EFCAB13: variants seen among roughly 807,000 people sequenced by gnomAD.
EFCAB13 encodes the protein EF-hand calcium binding domain 13.
A neutral mutation model predicts 110.2 loss-of-function variants in EFCAB13; 91 were observed. The ratio of observed to expected loss-of-function variants is 0.83; its 90% CI spans 0.70 to 0.98. The LOEUF (loss-of-function observed/expected upper bound fraction) is 0.98, where lower values mean the gene tolerates loss of function less well. Ranked by LOEUF, EFCAB13 falls within the 50% of genes least tolerant of loss-of-function variation. EFCAB13 has a pLI of 0.00. For missense variants in EFCAB13, 968 were observed against 1,119.4 expected (o/e 0.86, Z 1.93); for synonymous variants, 323 against 369.9 (o/e 0.87, Z 1.45).
chr17:47,408,914 T>C (rs1336087591), intron 20 of EFCAB13, among the ~76,000 whole-genome samples: 1 of 152,204 alleles, frequency 6.6e-6, no homozygotes, highest in African/African-American at 2.4e-5. Flanking sequence ...TTTAGAGTTA[T>C]CATGTAAAAT....
intron 9 of EFCAB13, among the ~76,000 whole-genome samples, chr17:47,354,655 GT>G (rs2065470539): frequency 6.6e-6 from 1 of 152,090 alleles, no homozygotes; most frequent in Non-Finnish European, 1.5e-5. Context: ...ATTGCTTTAA[GT>G]TTGTTTTGTC....
At chr17:47,346,592 G>A (rs1239042184) in intron 8 of EFCAB13, among the ~76,000 whole-genome samples, 2 of 151,954 alleles carry the variant, frequency 1.3e-5, no homozygotes, top group South Asian at 2.1e-4. Flanking sequence ...CCCAGAAGTG[G>A]GATTACTGGA....
At chr17:47,376,171 T>C (rs956873174) in intron 12 of EFCAB13, among the ~76,000 whole-genome samples, 2 of 152,220 alleles carry the variant, frequency 1.3e-5, no homozygotes, top group Non-Finnish European at 2.9e-5. Context: ...TTGTGATTCA[T>C]ACATTAGTGC....
At chr17:47,350,241 G>T (rs1380308789) in intron 9 of EFCAB13, among the ~76,000 whole-genome samples, 5 of 152,090 alleles carry the variant, frequency 3.3e-5, no homozygotes, top group Non-Finnish European at 7.4e-5. Context: ...GAAAAATGAG[G>T]AGTGAATTTT....
chr17:47,414,680 G>C (rs1161700279), intron 22 of EFCAB13, among the ~76,000 whole-genome samples, 168 bp from the exon 23 acceptor site: 1 of 152,084 alleles, frequency 6.6e-6, no homozygotes, highest in Non-Finnish European at 1.5e-5. Context: ...CTATTCACTG[G>C]GTGGTTTTAA....
In EFCAB13 at chr17:47,424,874, CTTTTTTT is replaced by C. The variant is rs548271723; in HGVS notation, c.2495-4924_2495-4918del. Among the ~76,000 whole-genome samples, 27 of 36,896 alleles carry C rather than the reference CTTTTTTT, an allele frequency of 7.3e-4. 2 individuals carry two copies. Among genetic ancestry groups the C allele is most frequent in the Non-Finnish European group, 1.2e-3 (23 of 19,744 alleles). The allele number at this position is 36,896 out of a possible 152,430, so 24.2% of individuals were successfully genotyped here. Reference sequence around the variant, plus strand: ...AGGATTTCTTTCTCCGGTTGACAATCTTTTTTTTTTTTTTTTTTTTTTTTTTGAGACG... The same window carrying C: ...AGGATTTCTTTCTCCGGTTGACAATCTTTTTTTTTTTTTTTTTTTGAGACG... On this transcript the variant is annotated intron_variant, in intron 23 of 24. Coordinates refer to ENST00000331493, the MANE Select transcript of EFCAB13 (RefSeq NM_152347.5).
chr17:47,423,898 C>T (rs761124929), intron 23 of EFCAB13, among the ~76,000 whole-genome samples: 22 of 151,956 alleles, frequency 1.4e-4, no homozygotes, highest in Non-Finnish European at 2.4e-4. Context: ...TGCTCCGGGA[C>T]GAGCTGCTGT....
chr17:47,333,210 C>A (rs2065330026), intron 4 of EFCAB13, among the ~76,000 whole-genome samples: 1 of 152,148 alleles, frequency 6.6e-6, no homozygotes, highest in South Asian at 2.1e-4. Context: ...CATTTTTTCA[C>A]AAACCTATAG....
intron 11 of EFCAB13, among the ~76,000 whole-genome samples, chr17:47,370,965 C>T (rs1183504938): frequency 6.6e-6 from 1 of 151,368 alleles, no homozygotes; most frequent in Non-Finnish European, 1.5e-5. Context: ...GTCTTGAACT[C>T]CTGACCTCAG....
chr17:47,422,494 T>C (rs1384241677), intron 23 of EFCAB13, among the ~76,000 whole-genome samples: 1 of 152,192 alleles, frequency 6.6e-6, no homozygotes, highest in Non-Finnish European at 1.5e-5. Context: ...TATGAATCTA[T>C]ACACTGGTTA....
chr17:47,424,688 A>G (rs112570832), intron 23 of EFCAB13, among the ~76,000 whole-genome samples: 7 of 152,004 alleles, frequency 4.6e-5, no homozygotes, highest in East Asian at 1.9e-4. Flanking sequence ...CAGCCAGGCT[A>G]TAAGTCATGA....
At chr17:47,417,694 G>A (rs199545270) in intron 23 of EFCAB13, among the ~76,000 whole-genome samples, 1 of 151,512 alleles carries the variant, frequency 6.6e-6, no homozygotes, top group African/African-American at 2.4e-5. Flanking sequence ...TTTTTTTCTC[G>A]CCATTTCCAC....
chr17:47,414,047 C>G (rs1377623994), intron 22 of EFCAB13, among the ~76,000 whole-genome samples: 1 of 152,098 alleles, frequency 6.6e-6, no homozygotes, highest in Non-Finnish European at 1.5e-5. Flanking sequence ...TTGTTATTTC[C>G]TTCATATGAC....
At chr17:47,338,558 G>T (rs974083645) in intron 5 of EFCAB13, among the ~76,000 whole-genome samples, 1 of 148,148 alleles carries the variant, frequency 6.8e-6, no homozygotes, top group Non-Finnish European at 1.5e-5. Flanking sequence ...TTTACTACTA[G>T]TTTTTTTTTT....
At chr17:47,400,634 C>T (rs1206864368) in intron 17 of EFCAB13, among the ~76,000 whole-genome samples, 1 of 150,926 alleles carries the variant, frequency 6.6e-6, no homozygotes, top group African/African-American at 2.4e-5. Flanking sequence ...CCTTCCCACT[C>T]TCCCTCCCTC....
chr17:47,371,180 G>T (rs1230863163), intron 11 of EFCAB13, among the ~76,000 whole-genome samples: 1 of 143,118 alleles, frequency 7.0e-6, no homozygotes, highest in Non-Finnish European at 1.5e-5. Flanking sequence ...TCAAGATGTT[G>T]TCTCTTCAAT....
intron 21 of EFCAB13, 138 bp from the exon 22 acceptor site, chr17:47,412,635 T>C (rs1567802884): frequency 2.3e-6 from 2 of 878,352 alleles, no homozygotes; most frequent in Admixed American, 3.0e-5. Flanking sequence ...CAGTTACAAA[T>C]AGAAAATATT....
chr17:47,437,825 G>T (rs1426948830), intron 24 of EFCAB13, among the ~76,000 whole-genome samples: 4 of 151,940 alleles, frequency 2.6e-5, no homozygotes, highest in Non-Finnish European at 5.9e-5. Context: ...GAGTACTTTG[G>T]TTTTTTGTTT....
chr17:47,354,550 C>T lies in EFCAB13; in HGVS notation c.661+6599C>T, dbSNP rs548341875. ...AACTGTTTTATAAATTTGGGAGCTC[C>T]AGTGTTAGGTGCATATATGTTTAGG... On this transcript the variant is annotated intron_variant, in intron 9 of 24. Transcript: ENST00000331493. 2.5e-3 allele frequency among the ~76,000 whole-genome samples: 382 copies of T among 152,222 alleles called. 4 individuals are homozygous for T. The highest frequency in any genetic ancestry group is 9.0e-3 in the African/African-American group (373 of 41,534).
Sources: allele counts gnomAD v4.1 joint callset (sites outside exome capture counted in the v4.1 genomes callset), GRCh38; gene constraint gnomAD v4.1.1; transcripts MANE v1.5; gene names NCBI Gene and HGNC (gene_info 2026-07-23, HGNC 2026-07-21).